CACNA2D3: variants seen among roughly 807,000 people sequenced by gnomAD.
CACNA2D3 encodes the protein voltage-dependent calcium channel subunit alpha-2/delta-3.
Under a neutral mutation model 160.6 loss-of-function variants are expected in CACNA2D3, and 60 were observed. The observed-to-expected ratio is 0.37, with a 90% CI of 0.30 to 0.46. The LOEUF (loss-of-function observed/expected upper bound fraction) is 0.46, where lower values mean the gene tolerates loss of function less well. Among genes scored for constraint, CACNA2D3 ranks in the 20% least tolerant of loss-of-function variants. The probability of loss-of-function intolerance (pLI) is 1.00; values close to 1 mark genes in which losing one functional copy is unlikely to be tolerated. For synonymous variants in CACNA2D3, 558 were observed against 492.9 expected, an observed-to-expected ratio of 1.13 and a Z score of -1.75; for missense variants, 1,205 against 1,365.0, an observed-to-expected ratio of 0.88 and a Z score of 1.85.
At chr3:54,632,544 A>T (rs1277289437) in intron 10 of CACNA2D3, 3 of 152,348 alleles carry the variant, frequency 2.0e-5, no homozygotes, top group East Asian at 1.9e-4. Context: ...TTTCTTCTGC[A>T]GTAAGGACAG....
intron 4 of CACNA2D3, among the ~76,000 whole-genome samples, chr3:54,478,746 T>C (rs187113205): frequency 8.6e-6 from 1 of 116,122 alleles, no homozygotes; most frequent in South Asian, 3.0e-4. Flanking sequence ...TTGTCAGGTG[T>C]ATCCACGCTG....
chr3:54,717,494 G>T (rs988991088), intron 11 of CACNA2D3, among the ~76,000 whole-genome samples: 1 of 152,098 alleles, frequency 6.6e-6, no homozygotes, highest in Non-Finnish European at 1.5e-5. Flanking sequence ...CACCATTCTG[G>T]TGTGTGTGTC....
intron 2 of CACNA2D3, among the ~76,000 whole-genome samples, chr3:54,214,689 G>A (rs761863311): frequency 1.3e-5 from 2 of 152,142 alleles, no homozygotes; most frequent in Non-Finnish European, 2.9e-5. Context: ...GGATGCCCCA[G>A]CACAGTCAGG....
At chr3:54,925,863 T>C (rs893157237) in intron 27 of CACNA2D3, among the ~76,000 whole-genome samples, 8 of 152,354 alleles carry the variant, frequency 5.3e-5, no homozygotes, top group East Asian at 1.9e-4. Context: ...CTGCTACGTA[T>C]TGATATCCAT....
At chr3:54,491,885 G>C (rs1170537685) in intron 4 of CACNA2D3, among the ~76,000 whole-genome samples, 1 of 152,158 alleles carries the variant, frequency 6.6e-6, no homozygotes, top group Non-Finnish European at 1.5e-5. Flanking sequence ...GTGGAGGAGA[G>C]GCTGGGCCAC....
Position 54,880,365 on chromosome 3 carries a change from G to C in CACNA2D3, c.1845-431G>C, listed in dbSNP as rs189910238. ...GTAATGTGGTTACACTCATGTAGTA[G>C]TGGAAGTTTTTGTTTTTGCCCTTGA... On this transcript the variant is annotated intron_variant, in intron 20 of 37. Coordinates refer to ENST00000474759, the MANE Select transcript of CACNA2D3 (RefSeq NM_018398.3). Among the ~76,000 whole-genome samples, 84 of 152,366 alleles carry C rather than the reference G, an allele frequency of 5.5e-4. 1 individual carries two copies. The highest frequency in any genetic ancestry group is 4.6e-3 in the Admixed American group (70 of 15,306).
At chr3:54,330,745 G>T (rs1022738790) in intron 3 of CACNA2D3, among the ~76,000 whole-genome samples, 7 of 152,180 alleles carry the variant, frequency 4.6e-5, no homozygotes, top group Non-Finnish European at 8.8e-5. Context: ...GCCAGTGGGT[G>T]GCCTCTGTTA....
intron 24 of CACNA2D3, among the ~76,000 whole-genome samples, chr3:54,889,856 ACT>A (rs1700016050): frequency 6.6e-6 from 1 of 152,092 alleles, no homozygotes; most frequent in Non-Finnish European, 1.5e-5. Context: ...CTCTCATGAA[ACT>A]CAAAATCTTG....
At chr3:55,001,469 T>A (rs1702978365) in intron 31 of CACNA2D3, among the ~76,000 whole-genome samples, 1 of 152,218 alleles carries the variant, frequency 6.6e-6, no homozygotes, top group Non-Finnish European at 1.5e-5. Context: ...AACACATAGA[T>A]AACCTTCTTT....
chr3:54,822,787 TTTCCTTTC>T lies in CACNA2D3; in HGVS notation c.1398+5920_1398+5927del, dbSNP rs1482689456. Among the ~76,000 whole-genome samples, 37 of 70,710 alleles carry T rather than the reference TTTCCTTTC, an allele frequency of 5.2e-4. 1 individual carries two copies. Among genetic ancestry groups the T allele is most frequent in the South Asian group, 2.3e-3 (4 of 1,736 alleles). 46.4% of individuals were successfully genotyped at this position (70,710 alleles called of 152,430 possible). On this transcript the variant is annotated intron_variant, in intron 14 of 37. Transcript: ENST00000474759. ...CTTTCTTTCTTTCTTTCTTTCTTTCTTTCCTTTCTTTCTTTCTTTCTTTCTTTCTTTCT... is the reference window on the plus strand; with the variant it reads ...CTTTCTTTCTTTCTTTCTTTCTTTCTTTTCTTTCTTTCTTTCTTTCTTTCT...
At chr3:55,074,037 G>C (rs41277463) in intron 37 of CACNA2D3, 77 bp from the exon 38 acceptor site, 146,318 of 1,245,022 alleles carry the variant, frequency 0.12, 9,753 homozygotes, top group Non-Finnish European at 0.13. Flanking sequence ...CGTTAGAGAG[G>C]GGGAGAGAGG....
chr3:54,473,399 CTT>C (rs1243535075), intron 4 of CACNA2D3, among the ~76,000 whole-genome samples: 1 of 152,158 alleles, frequency 6.6e-6, no homozygotes, highest in Non-Finnish European at 1.5e-5. Context: ...GGATTAAAGA[CTT>C]AAACAGAAAA....
intron 2 of CACNA2D3, among the ~76,000 whole-genome samples, chr3:54,172,620 A>G (rs1035460664): frequency 6.6e-6 from 1 of 152,202 alleles, no homozygotes; most frequent in African/African-American, 2.4e-5. Context: ...AAAGTATGTG[A>G]ATTAGATTGA....
intron 4 of CACNA2D3, among the ~76,000 whole-genome samples, chr3:54,423,519 A>G (rs1404171523): frequency 6.6e-6 from 1 of 152,178 alleles, no homozygotes; most frequent in Non-Finnish European, 1.5e-5. Flanking sequence ...CTGAATTCAT[A>G]TTGAGCTTGG....
At chr3:54,920,079 T>C (rs1418044833) in intron 27 of CACNA2D3, among the ~76,000 whole-genome samples, 1 of 152,232 alleles carries the variant, frequency 6.6e-6, no homozygotes, top group African/African-American at 2.4e-5. Context: ...CCGAAAAGAC[T>C]GGCACTGCAG....
intron 14 of CACNA2D3, among the ~76,000 whole-genome samples, chr3:54,828,503 A>G (rs1289376554): frequency 6.6e-6 from 1 of 152,250 alleles, no homozygotes; most frequent in African/African-American, 2.4e-5. Flanking sequence ...CTCATAAAAC[A>G]TATTCCTTTC....
intron 35 of CACNA2D3, among the ~76,000 whole-genome samples, chr3:55,034,722 G>T (rs1189147061): frequency 6.6e-6 from 1 of 151,580 alleles, no homozygotes; most frequent in Non-Finnish European, 1.5e-5. Context: ...ATATTTCATT[G>T]CCTCTAAATA....
chr3:54,922,058 T>G (rs1700868275), intron 27 of CACNA2D3, among the ~76,000 whole-genome samples: 1 of 152,194 alleles, frequency 6.6e-6, no homozygotes, highest in African/African-American at 2.4e-5. Context: ...TTACCCCAAA[T>G]CAATTTCTGC....
chr3:54,661,929 C>A (rs546059908), intron 11 of CACNA2D3, among the ~76,000 whole-genome samples: 1 of 150,540 alleles, frequency 6.6e-6, no homozygotes. Flanking sequence ...AAATATCCCC[C>A]CTGGATCACC....
Sources: allele counts gnomAD v4.1 joint callset (sites outside exome capture counted in the v4.1 genomes callset), GRCh38; gene constraint gnomAD v4.1.1; transcripts MANE v1.5; gene names NCBI Gene and HGNC (gene_info 2026-07-23, HGNC 2026-07-21).